NAV2: variants seen among roughly 807,000 people sequenced by gnomAD.
NAV2 encodes helicase, APC down-regulated 1.
Under a neutral mutation model 223.2 loss-of-function variants are expected in NAV2, and 54 were observed. The observed-to-expected ratio is 0.24, with a 90% confidence interval of 0.19 to 0.30. The LOEUF is 0.30. NAV2 is among the 10% of genes least tolerant of loss of function. NAV2 has a pLI of 1.00. For synonymous variants in NAV2, 1,279 were observed against 1,239.3 expected (o/e 1.03, Z -0.67); for missense variants, 2,806 against 3,147.5 (o/e 0.89, Z 2.60).
intron 11 of NAV2, among the ~76,000 whole-genome samples, chr11:20,014,523 G>C (rs1290131021): frequency 6.6e-6 from 1 of 152,126 alleles, no homozygotes; most frequent in Non-Finnish European, 1.5e-5. Context: ...GGGAGGCCAG[G>C]GTGAGAGGAT....
intron 1 of NAV2, among the ~76,000 whole-genome samples, chr11:19,808,082 C>G (rs759912506): frequency 1.3e-5 from 2 of 152,202 alleles, no homozygotes; most frequent in African/African-American, 4.8e-5. Flanking sequence ...CTCTTAAAAA[C>G]AGGACTAGTC....
Position 19,894,371 on chromosome 11 carries a change from G to A in NAV2, c.931+1777G>A, listed in dbSNP as rs150354589. 1.9e-4 allele frequency among the ~76,000 whole-genome samples: 29 copies of A among 152,296 alleles called. No homozygotes were observed. In the East Asian group the frequency reaches 3.1e-3, roughly 16 times the overall value. The stretch of plus-strand genomic sequence containing the variant: ...TGGGAAGGTGTTAGGAAAAGCCTGC[G>A]CTGGGCCTCTCCTCGCGGGCCAGTC... On this transcript the variant is annotated intron_variant, in intron 6 of 37. Transcript: ENST00000349880.
chr11:20,065,363 A>G (rs1020973608), intron 20 of NAV2, among the ~76,000 whole-genome samples: 2 of 152,254 alleles, frequency 1.3e-5, no homozygotes, highest in Non-Finnish European at 2.9e-5. Context: ...GTCTATAATG[A>G]ATATTCAAGA....
chr11:20,103,679 A>G lies in NAV2; in HGVS notation c.6599A>G (p.Gln2200Arg), dbSNP rs778861698. The G allele has an allele frequency of 2.2e-5, 36 of 1,614,022 alleles. No homozygotes were observed. The Admixed American group carries it at 5.7e-4, about 25-fold the overall frequency. The change falls in exon 34 of 38, where the codon CAG becomes CGG. Residue 2200 changes from glutamine (Q) to arginine (R), a missense_variant. Physicochemically the swap from Gln to Arg is conservative, Grantham distance 43. Coordinates refer to ENST00000349880, the MANE Select transcript of NAV2 (RefSeq NM_145117.5). ...CCTTACATAATTGGCACAATGAACC[A>G]GGCTACCTCTTCGACTCCCAACCTG... ...KCPYIIGTMNQATSSTPNLQL... is the reference protein window; with the variant it reads ...KCPYIIGTMNRATSSTPNLQL...
rs566040482 is a variant in NAV2, at chr11:19,762,006, G to A, written c.267+48044G>A. ...GCCTGTAATCCCAACACTTTGGGAGGCCAAGGGGGGCGGATCACCTGAGGT... is the reference window on the plus strand; with the variant it reads ...GCCTGTAATCCCAACACTTTGGGAGACCAAGGGGGGCGGATCACCTGAGGT... On this transcript the variant is annotated intron_variant, in intron 1 of 37. Coordinates refer to ENST00000349880, the MANE Select transcript of NAV2 (RefSeq NM_145117.5). Among the ~76,000 whole-genome samples, 680 of 152,262 alleles carry A rather than the reference G, an allele frequency of 4.5e-3. 4 individuals carry two copies. Among genetic ancestry groups the A allele is most frequent in the African/African-American group, 0.016 (648 of 41,552 alleles).
rs182736123 is a variant in NAV2, at chr11:19,784,509, G to A, written c.268-47975G>A. Reference sequence around the variant, plus strand: ...TGACACTCCTTAGGTATTATACCAGGTGACTGTATAGTTTATTATCCCAAC... The same window carrying A: ...TGACACTCCTTAGGTATTATACCAGATGACTGTATAGTTTATTATCCCAAC... On this transcript the variant is annotated intron_variant, in intron 1 of 37. Coordinates refer to ENST00000349880, the MANE Select transcript of NAV2 (RefSeq NM_145117.5). Among the ~76,000 whole-genome samples the A allele has an allele frequency of 1.7e-3, 250 of 151,072 alleles. 1 individual carries two copies. The highest frequency in any genetic ancestry group is 6.0e-3 in the African/African-American group (246 of 41,086).
intron 1 of NAV2, among the ~76,000 whole-genome samples, chr11:19,702,796 ATAATAATAG>A (rs200486079): frequency 0.097 from 6,447 of 66,528 alleles, 367 homozygotes; most frequent in African/African-American, 0.16. Flanking sequence ...AATAATAATA[ATAATAATAG>A]TAATAATAAT....
At chr11:20,067,802 G>GT (rs1270168868) in intron 20 of NAV2, among the ~76,000 whole-genome samples, 16 of 151,420 alleles carry the variant, frequency 1.1e-4, no homozygotes, top group East Asian at 3.9e-4. Flanking sequence ...AGACCTTTTT[G>GT]TTTTTTTTAA....
At chr11:19,948,373 G>A (rs2047107298) in intron 9 of NAV2, among the ~76,000 whole-genome samples, 1 of 152,098 alleles carries the variant, frequency 6.6e-6, no homozygotes. Context: ...CACTGCATCT[G>A]GCCTGGAAAG....
At chr11:19,966,166 G>A (rs115162639) in intron 10 of NAV2, among the ~76,000 whole-genome samples, 6 of 152,274 alleles carry the variant, frequency 3.9e-5, no homozygotes, top group South Asian at 2.1e-4. Context: ...CTCCAGATTC[G>A]AGAGGAAGGT....
intron 1 of NAV2, among the ~76,000 whole-genome samples, chr11:19,622,926 T>C (rs2047046489): frequency 6.6e-6 from 1 of 152,218 alleles, no homozygotes; most frequent in South Asian, 2.1e-4. Flanking sequence ...CCATGTTTAG[T>C]GCTTCCTTCA....
intron 1 of NAV2, among the ~76,000 whole-genome samples, chr11:19,743,681 C>T (rs552007260): frequency 6.6e-6 from 1 of 152,394 alleles, no homozygotes; most frequent in South Asian, 2.1e-4. Flanking sequence ...ACCTCTCCAG[C>T]CCCAGGAATG....
intron 11 of NAV2, among the ~76,000 whole-genome samples, chr11:19,987,402 T>A (rs1487914065): frequency 6.6e-6 from 1 of 152,182 alleles, no homozygotes; most frequent in African/African-American, 2.4e-5. Context: ...CCACATGAGT[T>A]CTACAAAGGA....
chr11:19,774,731 A>G (rs1339764438), intron 1 of NAV2, among the ~76,000 whole-genome samples: 5 of 152,154 alleles, frequency 3.3e-5, no homozygotes, highest in African/African-American at 1.2e-4. Context: ...AATGAGCTAG[A>G]ATACCTATGA....
At chr11:19,844,255 C>T (rs557041346) in intron 3 of NAV2, among the ~76,000 whole-genome samples, 7 of 152,276 alleles carry the variant, frequency 4.6e-5, no homozygotes, top group Admixed American at 4.6e-4. Flanking sequence ...CACATGTAGT[C>T]CTATCTTCAT....
intron 1 of NAV2, among the ~76,000 whole-genome samples, chr11:19,639,065 C>T (rs1035477872): frequency 1.3e-5 from 2 of 152,280 alleles, no homozygotes; most frequent in African/African-American, 4.8e-5. Flanking sequence ...ACATAGCAGG[C>T]TTAAGACTGC....
In NAV2 at chr11:20,103,285, G is replaced by A; in HGVS notation, c.6448G>A (p.Asp2150Asn). 2 of 1,614,126 alleles carry A rather than the reference G, an allele frequency of 1.2e-6. No homozygotes were observed. The highest frequency in any genetic ancestry group is 1.7e-6 in the Non-Finnish European group (2 of 1,179,962). Residue 2150 changes from aspartate to asparagine, a missense_variant, in exon 33 of 38, where the codon GAC becomes AAC. Asp to Asn is a conservative substitution (Grantham distance 23). Around this residue, in one of 4 missense-constraint regions of NAV2, gnomAD observed 824 missense variants for 1,069.4 expected, o/e 0.77. Transcript: ENST00000349880. ...GCGCCAGTACCTGTCCAACCTTGCT[G>A]ACCAGTGCAACAGTGAGAACAATGC... ...ELRQYLSNLADQCNSENNAVD... is the reference protein window; with the variant it reads ...ELRQYLSNLANQCNSENNAVD...
chr11:19,884,788 G>C (rs2063428777), intron 5 of NAV2, among the ~76,000 whole-genome samples: 1 of 151,320 alleles, frequency 6.6e-6, no homozygotes, highest in Non-Finnish European at 1.5e-5. Flanking sequence ...TTGTGTTGTT[G>C]TTGTTGTTGT....
At chr11:19,753,351 A>AT (rs1022678301) in intron 1 of NAV2, among the ~76,000 whole-genome samples, 3 of 151,702 alleles carry the variant, frequency 2.0e-5, no homozygotes, top group Admixed American at 6.6e-5. Context: ...ATTTCCACAG[A>AT]TTTTTTCTTA....
Sources: allele counts gnomAD v4.1 joint callset (sites outside exome capture counted in the v4.1 genomes callset), GRCh38; gene constraint gnomAD v4.1.1; regional missense constraint gnomAD v4.1.1; transcripts MANE v1.5; gene names NCBI Gene and HGNC (gene_info 2026-07-23, HGNC 2026-07-21).